Variants in NFIX observed in about 807,000 individuals in gnomAD.
NFIX encodes the protein nuclear factor I X.
A neutral mutation model predicts 53.3 loss-of-function variants in NFIX; 2 were observed. The observed-to-expected ratio is 0.04, with a 90% CI of 0.02 to 0.12. The LOEUF (loss-of-function observed/expected upper bound fraction) is 0.12. Among genes scored for constraint, NFIX ranks in the 10% least tolerant of loss-of-function variants. The pLI is 1.00. For missense variants in NFIX, 310 were observed against 674.5 expected (o/e 0.46, Z 5.99); for synonymous variants, 244 against 289.0 (o/e 0.84, Z 1.58).
intron 2 of NFIX, among the ~76,000 whole-genome samples, chr19:13,057,199 G>A (rs2015751935): frequency 6.6e-6 from 1 of 152,228 alleles, no homozygotes; most frequent in Non-Finnish European, 1.5e-5. Flanking sequence ...CCAGTAGCGG[G>A]TCAGTGGGAC....
Position 12,995,625 on chromosome 19 carries a change from G to GGCGGCA in NFIX, c.-207_-202dup, listed in dbSNP as rs1371450038. 4 of 145,270 alleles carry GGCGGCA rather than the reference G, an allele frequency of 2.8e-5. No individual in the cohort carries two copies. Among genetic ancestry groups the GGCGGCA allele is most frequent in the South Asian group, 1.8e-4 (1 of 5,488 alleles). The allele number at this position is 145,270 out of a possible 1,614,324, so 9.0% of individuals were successfully genotyped here. A position where few individuals can be genotyped will look rare whatever the true frequency, so the allele number is the denominator to read the frequency against. On this transcript the variant is annotated 5_prime_UTR_variant, in exon 1 of 11. Transcript: ENST00000592199. ...AGGCAGCGGCGAGCGCGGCGGCGGC[G>GGCGGCA]GCGGCAGCGGCGGCCCCGGAGCCGG...
In NFIX at chr19:13,090,968, A is replaced by G. The variant is rs377643584; in HGVS notation, c.1494+578A>G. Among the ~76,000 whole-genome samples, 2 of 152,240 alleles carry G rather than the reference A, an allele frequency of 1.3e-5. No homozygotes were observed. The highest frequency in any genetic ancestry group is 2.1e-4 in the South Asian group (1 of 4,818). ...TGCTGGAGACCTCATCCTTGCTCCT[A>G]TCCCCTGCTGACACCACCCTTAGTT... is the stretch of plus-strand genomic sequence containing the variant. On this transcript the variant is annotated intron_variant, in intron 10 of 10. Transcript: ENST00000592199. This position sits in a 1 kb window ranked among gnomAD's most constrained non-coding sequence, Gnocchi z 6.6.
At chr19:13,023,975 CT>C in intron 1 of NFIX, 1 of 1,284,118 alleles carries the variant, frequency 7.8e-7, no homozygotes, top group South Asian at 1.3e-5. Context: ...ACTCACAACT[CT>C]TTTGAGTCCA....
Position 13,027,286 on chromosome 19 carries a change from C to T in NFIX, c.559+1734C>T, listed in dbSNP as rs1022453317. The stretch of plus-strand genomic sequence containing the variant: ...GGCCAGGTGCCAGTCATTCCCCCTC[C>T]CTTCAGCTTGAATTTTTTCTTTTGT... On this transcript the variant is annotated intron_variant, in intron 2 of 10. Coordinates refer to ENST00000592199, the MANE Select transcript of NFIX (RefSeq NM_001365902.3). This position sits in a 1 kb window ranked among gnomAD's most constrained non-coding sequence, Gnocchi z 4.3. Among the ~76,000 whole-genome samples the T allele has an allele frequency of 1.3e-5, 2 of 152,152 alleles. No individual in the cohort carries two copies. The highest frequency in any genetic ancestry group is 4.8e-5 in the African/African-American group (2 of 41,410).
chr19:13,041,748 C>G (rs1410830261), intron 2 of NFIX, among the ~76,000 whole-genome samples: 1 of 149,412 alleles, frequency 6.7e-6, no homozygotes, highest in African/African-American at 2.5e-5. Context: ...CAGCCGAGAT[C>G]GTGCCACTGC....
intron 1 of NFIX, among the ~76,000 whole-genome samples, chr19:12,997,685 C>T (rs952992053): frequency 2.0e-5 from 3 of 152,224 alleles, no homozygotes; most frequent in Non-Finnish European, 2.9e-5. Context: ...GCTGCCAGCC[C>T]GGCCTCCCAT....
Position 13,022,859 on chromosome 19 carries a change from C to T in NFIX, c.28-2162C>T, listed in dbSNP as rs1025268754. Among the ~76,000 whole-genome samples, 1 of 152,114 alleles carries T rather than the reference C, an allele frequency of 6.6e-6. No individual in the cohort carries two copies. The highest frequency in any genetic ancestry group is 1.5e-5 in the Non-Finnish European group (1 of 68,028). On this transcript the variant is annotated intron_variant, in intron 1 of 10. Coordinates refer to ENST00000592199, the MANE Select transcript of NFIX (RefSeq NM_001365902.3). This position sits in a 1 kb window ranked among gnomAD's most constrained non-coding sequence, Gnocchi z 4.5. ...CTGGGTGGCTGCTGCCAAATGGACC[C>T]GAGTGGGAGCCTGGAATGAAAAATT...
At chr19:13,092,958 T>G (rs1222645995) in intron 10 of NFIX, among the ~76,000 whole-genome samples, 2 of 152,236 alleles carry the variant, frequency 1.3e-5, no homozygotes, top group Non-Finnish European at 1.5e-5. Context: ...AGGTCTCTTG[T>G]GCGTACTGTC....
intron 5 of NFIX, 94 bp downstream of exon 5, chr19:13,074,120 A>G: frequency 6.7e-7 from 1 of 1,500,560 alleles, no homozygotes; most frequent in Non-Finnish European, 9.1e-7. Context: ...CACTGAGGCT[A>G]GGGTGCTTCA....
rs2018312086 is a variant in NFIX at position 13,094,304 on chromosome 19, A to G, written c.1495-331A>G. ...TCCCCACCCTCCAGGACCCACACAA[A>G]AACCTAAACAATTGGAAACATGGCC... On this transcript the variant is annotated intron_variant, in intron 10 of 10. Coordinates refer to ENST00000592199, the MANE Select transcript of NFIX (RefSeq NM_001365902.3). The surrounding 1 kb of genome is among the most constrained non-coding windows in gnomAD (Gnocchi z 4.3). Among the ~76,000 whole-genome samples, 1 of 152,176 alleles carries G rather than the reference A, an allele frequency of 6.6e-6. No homozygotes were observed. The highest frequency in any genetic ancestry group is 6.5e-5 in the Admixed American group (1 of 15,282).
At chr19:13,003,850 G>A (rs1045835826) in intron 1 of NFIX, among the ~76,000 whole-genome samples, 2 of 152,098 alleles carry the variant, frequency 1.3e-5, no homozygotes, top group African/African-American at 2.4e-5. Context: ...ATGTTGCCCA[G>A]GCTGGTCTTG....
At chr19:13,074,311 C>T (rs941228912) in intron 5 of NFIX, among the ~76,000 whole-genome samples, 4 of 152,014 alleles carry the variant, frequency 2.6e-5, no homozygotes, top group Non-Finnish European at 4.4e-5. Flanking sequence ...GGGGAGGTGA[C>T]ATTTGAGCCC....
chr19:13,081,994 C>A lies in NFIX; in HGVS notation c.1254+139C>A, dbSNP rs79239346. 2.1e-6 allele frequency: 2 copies of A among 949,486 alleles called. No individual in the cohort carries two copies. The highest frequency in any genetic ancestry group is 5.3e-5 in the East Asian group (2 of 37,892). The allele number at this position is 949,486 out of a possible 1,614,324, so 58.8% of individuals were successfully genotyped here. On this transcript the variant is annotated intron_variant, in intron 8 of 10. Coordinates refer to ENST00000592199, the MANE Select transcript of NFIX (RefSeq NM_001365902.3). This position sits in a 1 kb window ranked among gnomAD's most constrained non-coding sequence, Gnocchi z 4.7. The stretch of plus-strand genomic sequence containing the variant: ...GCAGCAGGGAGCTGGTAGTACCAAA[C>A]GCCTCGATTTTCTGGGTCTGGGGAC...
rs1459839329 is a variant in NFIX, at chr19:13,036,978, G to T, written c.559+11426G>T. 6.6e-6 allele frequency among the ~76,000 whole-genome samples: 1 copy of T among 152,172 alleles called. No homozygotes were observed. Among genetic ancestry groups the T allele is most frequent in the African/African-American group, 2.4e-5 (1 of 41,438 alleles). ...GAAGAAAGGCCTTTAAAGGGAGGAG[G>T]CAAATGGATAGGAAGCTTGAGTTGG... On this transcript the variant is annotated intron_variant, in intron 2 of 10. Coordinates refer to ENST00000592199, the MANE Select transcript of NFIX (RefSeq NM_001365902.3). This position sits in a 1 kb window ranked among gnomAD's most constrained non-coding sequence, Gnocchi z 4.7.
Position 13,087,970 on chromosome 19 carries a change from C to G in NFIX, c.1255-19C>G. On this transcript the variant is annotated intron_variant, in intron 8 of 10. Coordinates refer to ENST00000592199, the MANE Select transcript of NFIX (RefSeq NM_001365902.3). ...GTGTGATGTGCCTTCATGCGTCACTCTATTTATGTTGTTCGCAGCCCAACG... is the reference window on the plus strand; with the variant it reads ...GTGTGATGTGCCTTCATGCGTCACTGTATTTATGTTGTTCGCAGCCCAACG... 1 of 1,535,976 alleles carries G rather than the reference C, an allele frequency of 6.5e-7. No individual in the cohort carries two copies. The highest frequency in any genetic ancestry group is 8.7e-7 in the Non-Finnish European group (1 of 1,146,854).
chr19:13,036,986 A>T lies in NFIX; in HGVS notation c.559+11434A>T, dbSNP rs2014247688. ...GCCTTTAAAGGGAGGAGGCAAATGG[A>T]TAGGAAGCTTGAGTTGGGGGTGGGT... On this transcript the variant is annotated intron_variant, in intron 2 of 10. Coordinates refer to ENST00000592199, the MANE Select transcript of NFIX (RefSeq NM_001365902.3). This position sits in a 1 kb window ranked among gnomAD's most constrained non-coding sequence, Gnocchi z 4.7. 6.6e-6 allele frequency among the ~76,000 whole-genome samples: 1 copy of T among 152,142 alleles called. No homozygotes were observed. The highest frequency in any genetic ancestry group is 2.4e-5 in the African/African-American group (1 of 41,406).
rs2016919335 is a variant in NFIX, at chr19:13,073,967, C to T, written c.759C>T (p.Tyr253=). 2 of 1,614,024 alleles carry T rather than the reference C, an allele frequency of 1.2e-6. No homozygotes were observed. The highest frequency in any genetic ancestry group is 1.7e-6 in the Non-Finnish European group (2 of 1,179,888). ...TGGCGGACCTGGAGAGTCCCAGCTACTACAACATCAACCAGGTGACCCTGG... is the reference window on the plus strand; with the variant it reads ...TGGCGGACCTGGAGAGTCCCAGCTATTACAACATCAACCAGGTGACCCTGG... ...FSLADLESPS[Y]YNINQVTLGR... is the part of the protein sequence containing the mutation. Residue 253 remains tyrosine (Y), a synonymous_variant, in exon 5 of 11, where the codon TAC becomes TAT. Coordinates refer to ENST00000592199, the MANE Select transcript of NFIX (RefSeq NM_001365902.3). The surrounding 1 kb of genome is among the most constrained non-coding windows in gnomAD (Gnocchi z 4.5).
intron 2 of NFIX, among the ~76,000 whole-genome samples, chr19:13,042,442 C>T (rs944365174): frequency 7.3e-6 from 1 of 137,930 alleles, no homozygotes; most frequent in African/African-American, 2.7e-5. Context: ...GCAACCTCTA[C>T]CTCCAGGGTT....
At chr19:13,080,795 TC>T (rs1405404833) in intron 7 of NFIX, among the ~76,000 whole-genome samples, 1 of 145,236 alleles carries the variant, frequency 6.9e-6, no homozygotes, top group African/African-American at 2.6e-5. Flanking sequence ...GGTCAGGAGA[TC>T]GAGACCATTC....
Sources: allele counts gnomAD v4.1 joint callset (sites outside exome capture counted in the v4.1 genomes callset), GRCh38; gene constraint gnomAD v4.1.1; non-coding constraint Gnocchi (gnomAD v3.1); transcripts MANE v1.5; gene names NCBI Gene and HGNC (gene_info 2026-07-23, HGNC 2026-07-21).